MED23: variants seen among roughly 807,000 people sequenced by gnomAD.
The protein encoded by MED23 is mediator complex subunit 23.
Under a neutral mutation model 163.9 loss-of-function variants are expected in MED23, and 105 were observed. The observed-to-expected ratio is 0.64, with a 90% CI of 0.55 to 0.75. The LOEUF is 0.75. Among genes scored for constraint, MED23 ranks in the 30% least tolerant of loss-of-function variants. The pLI is 0.00. For missense variants in MED23, 1,054 were observed against 1,649.0 expected, an observed-to-expected ratio of 0.64 and a Z score of 6.25; for synonymous variants, 561 against 565.6, an observed-to-expected ratio of 0.99 and a Z score of 0.12.
At chr6:131,618,828 G>C (rs571207451) in intron 8 of MED23, among the ~76,000 whole-genome samples, 3 of 152,186 alleles carry the variant, frequency 2.0e-5, no homozygotes, top group African/African-American at 7.2e-5. Context: ...AGTTTTATTG[G>C]AACACCACTG....
intron 16 of MED23, 59 bp from the exon 17 acceptor site, chr6:131,602,440 C>A: frequency 6.7e-7 from 1 of 1,482,548 alleles, no homozygotes; most frequent in Non-Finnish European, 9.3e-7. Context: ...GGAATTAAAT[C>A]TAAGGTTAAT....
chr6:131,626,992 T>C (rs1193726357), intron 3 of MED23: 1 of 160,770 alleles, frequency 6.2e-6, no homozygotes, highest in African/African-American at 2.4e-5. Flanking sequence ...AATCTTGGTA[T>C]TCCTATTGTA....
chr6:131,584,505 G>A (rs1426149689), downstream of MED23, among the ~76,000 whole-genome samples: 1 of 151,916 alleles, frequency 6.6e-6, no homozygotes, highest in East Asian at 1.9e-4. Context: ...ACACTGTGAG[G>A]CCTTGAAACT....
At chr6:131,591,188 C>T in intron 26 of MED23, 125 bp downstream of exon 26, 1 of 731,886 alleles carries the variant, frequency 1.4e-6, no homozygotes, top group Non-Finnish European at 2.4e-6. Flanking sequence ...CAATGTTGGC[C>T]AGGATGGTCT....
rs759121589 is a variant in MED23 at position 131,604,307 on chromosome 6, T to C, written c.1627A>G (p.Ile543Val). 6 of 1,613,784 alleles carry C rather than the reference T, an allele frequency of 3.7e-6. No individual in the cohort carries two copies. The highest frequency in any genetic ancestry group is 1.7e-6 in the Non-Finnish European group (2 of 1,179,758). The change falls in exon 15 of 29, where the codon ATT becomes GTT. Residue 543 changes from isoleucine to valine, a missense_variant. Transcript: ENST00000368068. Reference protein sequence around the residue: ...VHAKMSLIHSIATRVIKLAHA... With the variant: ...VHAKMSLIHSVATRVIKLAHA... ...GCAAGTTTTATCACCCTGGTTGCAA[T>C]GCTGTGAATAAGGCTGAGGAGAAAA...
intron 9 of MED23, among the ~76,000 whole-genome samples, chr6:131,617,856 G>A (rs1031055272): frequency 3.3e-5 from 5 of 152,112 alleles, no homozygotes; most frequent in South Asian, 4.1e-4. Context: ...GCATACCCTC[G>A]TCCCTTTAGG....
chr6:131,616,776 G>A (rs903079557), intron 9 of MED23, among the ~76,000 whole-genome samples: 2 of 152,158 alleles, frequency 1.3e-5, no homozygotes, highest in African/African-American at 4.8e-5. Flanking sequence ...AGCTGTGATT[G>A]TGCCACTATA....
At chr6:131,627,961 G>A (rs1362928538) in intron 1 of MED23, 50 bp downstream of exon 1, 3 of 1,612,222 alleles carry the variant, frequency 1.9e-6, no homozygotes, top group Non-Finnish European at 2.5e-6. Context: ...CTGCCCCCGC[G>A]TCTCCCCGTC....
At chr6:131,621,736 A>C (rs1585567220) in intron 6 of MED23, 145 bp downstream of exon 6, 1 of 508,394 alleles carries the variant, frequency 2.0e-6, no homozygotes, top group Non-Finnish European at 3.5e-6. Flanking sequence ...TAAGGGAACT[A>C]GCATCTTTTA....
downstream of MED23, chr6:131,584,363 A>AAT (rs371339129): frequency 6.3e-3 from 1,001 of 158,404 alleles, 15 homozygotes; most frequent in African/African-American, 0.023. Flanking sequence ...AAATACATGC[A>AAT]ACACACACAC....
chr6:131,602,048 T>C (rs1775524788), intron 17 of MED23, among the ~76,000 whole-genome samples, 170 bp downstream of exon 17: 1 of 152,206 alleles, frequency 6.6e-6, no homozygotes, highest in South Asian at 2.1e-4. Context: ...AGAATGATGG[T>C]ACACAAAAGA....
Position 131,598,328 on chromosome 6 carries a change from T to TCCATACCA in MED23, c.2558_2565dup (p.Lys856TrpfsTer13). 1 of 1,614,100 alleles carries TCCATACCA rather than the reference T, an allele frequency of 6.2e-7. No homozygotes were observed. The stretch of plus-strand genomic sequence containing the variant: ...CTGTCCAGTGTAACAATGTTATACT[T>TCCATACCA]CCATACCATGTCATTAAGAATTTCA... On this transcript the variant is annotated frameshift_variant, in exon 20 of 29. Transcript: ENST00000368068. LOFTEE classifies it high-confidence loss of function. The surrounding 1 kb of genome is among the most constrained non-coding windows in gnomAD (Gnocchi z 4.7).
At chr6:131,591,728 C>T (rs541094785) in intron 25 of MED23, 20 of 617,868 alleles carry the variant, frequency 3.2e-5, no homozygotes, top group East Asian at 1.7e-4. Flanking sequence ...GGGCTCCATA[C>T]ATGTATCTGT....
intron 3 of MED23, among the ~76,000 whole-genome samples, chr6:131,625,236 A>C (rs1430129486): frequency 6.6e-6 from 1 of 152,232 alleles, no homozygotes; most frequent in East Asian, 1.9e-4. Context: ...GGAACTTCAA[A>C]AGTAGTAATT....
intron 11 of MED23, among the ~76,000 whole-genome samples, chr6:131,608,475 A>AT (rs71030750): frequency 0.032 from 4,750 of 147,506 alleles, 246 homozygotes; most frequent in African/African-American, 0.11. Context: ...CACCAAAAGG[A>AT]TTTTTTTTTT....
At chr6:131,621,758 A>AT (rs996056175) in intron 6 of MED23, 123 bp downstream of exon 6, 417 of 553,780 alleles carry the variant, frequency 7.5e-4, no homozygotes, top group African/African-American at 1.1e-3. Flanking sequence ...AATAGAAGTG[A>AT]TTTTTTTTTG....
At chr6:131,625,057 A>G (rs1562409243) in intron 3 of MED23, 68 bp from the exon 4 acceptor site, 1 of 1,446,476 alleles carries the variant, frequency 6.9e-7, no homozygotes, top group Non-Finnish European at 9.7e-7. Context: ...AGCTAATACT[A>G]CAACTGGAAG....
At position 131,604,258 on chromosome 6, in the gene MED23, A is replaced by G. The variant is rs373417283; in HGVS notation, c.1676T>C (p.Leu559Ser). The G allele has an allele frequency of 1.2e-6, 2 of 1,613,852 alleles. No homozygotes were observed. The highest frequency in any genetic ancestry group is 2.7e-5 in the African/African-American group (2 of 74,918). Residue 559 changes from leucine (L) to serine (S), a missense_variant, in exon 15 of 29, where the codon TTG becomes TCG. By Grantham distance (145) the Leu-to-Ser change is moderately radical. Around this residue, in one of 11 missense-constraint regions of MED23, gnomAD observed 54 missense variants for 89.8 expected, o/e 0.60. Coordinates refer to ENST00000368068, the MANE Select transcript of MED23 (RefSeq NM_004830.4). ...KLAHAKSSVA[L>S]APALVETYSR... ...GTAAGTTTCCACTAGGGCTGGAGCC[A>G]AGGCCACACTGGACTTTGCATGAGC...
intron 3 of MED23, chr6:131,627,180 CTG>C (rs1466448112): frequency 3.7e-6 from 2 of 535,402 alleles, no homozygotes; most frequent in African/African-American, 1.9e-5. Flanking sequence ...ACATCTCACA[CTG>C]TGCAGTATCA....
Sources: allele counts gnomAD v4.1 joint callset (sites outside exome capture counted in the v4.1 genomes callset), GRCh38; gene constraint gnomAD v4.1.1; regional missense constraint gnomAD v4.1.1; non-coding constraint Gnocchi (gnomAD v3.1); transcripts MANE v1.5; gene names NCBI Gene and HGNC (gene_info 2026-07-23, HGNC 2026-07-21).